The following RSPO3 variants were observed in gnomAD, a reference collection of about 807,000 sequenced individuals.
RSPO3 encodes R-spondin 3.
RSPO3 carries 17 observed loss-of-function variants against 36.5 expected under a neutral mutation model. The observed-to-expected ratio is 0.47, with a 90% CI of 0.32 to 0.70. The LOEUF (loss-of-function observed/expected upper bound fraction) is 0.70, where lower values mean the gene tolerates loss of function less well. Ranked by LOEUF, RSPO3 falls within the 30% of genes least tolerant of loss-of-function variation. RSPO3 has a pLI of 0.04. For synonymous variants in RSPO3, 108 were observed against 107.0 expected (o/e 1.01, Z -0.06); for missense variants, 294 against 322.5 (o/e 0.91, Z 0.68).
Position 127,119,078 on chromosome 6 carries a change from C to A in RSPO3, c.-115C>A. 2 of 746,392 alleles carry A rather than the reference C, an allele frequency of 2.7e-6. No individual in the cohort carries two copies. Among genetic ancestry groups the A allele is most frequent in the South Asian group, 2.2e-5 (1 of 46,410 alleles). 46.2% of individuals were successfully genotyped at this position (746,392 alleles called of 1,614,324 possible). A position where few individuals can be genotyped will look rare whatever the true frequency, so the allele number is the denominator to read the frequency against. ...CTATCGGATGTGAGAGGAGAAGTCC[C>A]GCTGCTCGGGCACTGTCTATATACG... On this transcript the variant is annotated 5_prime_UTR_variant, in exon 1 of 5. Coordinates refer to ENST00000356698, the MANE Select transcript of RSPO3 (RefSeq NM_032784.5).
At chr6:127,154,981 G>A (rs530570274) in intron 3 of RSPO3, among the ~76,000 whole-genome samples, 5 of 152,110 alleles carry the variant, frequency 3.3e-5, no homozygotes, top group Admixed American at 1.3e-4. Flanking sequence ...ATTAATGTTA[G>A]TGCCTGTGTT....
chr6:127,146,371 G>C (rs1202780402), intron 1 of RSPO3, among the ~76,000 whole-genome samples: 3 of 151,990 alleles, frequency 2.0e-5, no homozygotes, highest in African/African-American at 7.2e-5. Context: ...AAAAGTTTTA[G>C]AGACAGAGGG....
At chr6:127,143,110 T>G (rs1194576511) in intron 1 of RSPO3, among the ~76,000 whole-genome samples, 2 of 152,160 alleles carry the variant, frequency 1.3e-5, no homozygotes, top group African/African-American at 4.8e-5. Flanking sequence ...TATTTATCAT[T>G]TTTTAAAAAA....
At chr6:127,148,524 C>A (rs1213582252) in intron 1 of RSPO3, 124 bp from the exon 2 acceptor site, 2 of 606,102 alleles carry the variant, frequency 3.3e-6, no homozygotes, top group Admixed American at 3.4e-5. Context: ...AAAAATCCCA[C>A]CTCATTCACC....
intron 1 of RSPO3, among the ~76,000 whole-genome samples, chr6:127,120,732 AG>A (rs1407422039): frequency 6.6e-6 from 1 of 152,266 alleles, no homozygotes; most frequent in Non-Finnish European, 1.5e-5. Context: ...AAAAGGTGGC[AG>A]TGCCAGAGCG....
At chr6:127,177,768 CA>C (rs953849409) in intron 4 of RSPO3, among the ~76,000 whole-genome samples, 1 of 151,368 alleles carries the variant, frequency 6.6e-6, no homozygotes, top group African/African-American at 2.4e-5. Flanking sequence ...TGCAAGAAGC[CA>C]ATTTTTTTTT....
chr6:127,151,792 G>T (rs1485243851), intron 3 of RSPO3, among the ~76,000 whole-genome samples: 1 of 151,998 alleles, frequency 6.6e-6, no homozygotes, highest in East Asian at 1.9e-4. Flanking sequence ...GGAAAAAAAA[G>T]CAACTTAGGA....
chr6:127,181,519 A>C (rs1328435166), intron 4 of RSPO3, among the ~76,000 whole-genome samples: 1 of 151,796 alleles, frequency 6.6e-6, no homozygotes, highest in Non-Finnish European at 1.5e-5. Context: ...ACCCAGACCC[A>C]TTCATACTCA....
chr6:127,130,836 G>A (rs1200539185), intron 1 of RSPO3, among the ~76,000 whole-genome samples: 1 of 151,142 alleles, frequency 6.6e-6, no homozygotes, highest in Admixed American at 6.6e-5. Context: ...TTTATGATGA[G>A]TTTTTTTTTA....
chr6:127,153,257 A>G (rs79937286), intron 3 of RSPO3, among the ~76,000 whole-genome samples: 103 of 152,270 alleles, frequency 6.8e-4, no homozygotes, highest in African/African-American at 2.4e-3. Context: ...TCTCTTAACC[A>G]AGGAGTGCCT....
intron 4 of RSPO3, among the ~76,000 whole-genome samples, chr6:127,158,458 C>T (rs1263912144): frequency 2.6e-5 from 4 of 152,078 alleles, no homozygotes; most frequent in Non-Finnish European, 5.9e-5. Context: ...GTAGATAACT[C>T]ATATTTGGAA....
chr6:127,182,893 C>T lies in RSPO3; in HGVS notation c.635-12930C>T, dbSNP rs185895513. Among the ~76,000 whole-genome samples, 161 of 152,122 alleles carry T rather than the reference C, an allele frequency of 1.1e-3. 1 individual carries two copies. The highest frequency in any genetic ancestry group is 3.7e-3 in the African/African-American group (153 of 41,538). The stretch of plus-strand genomic sequence containing the variant: ...CATGACTTTAAAGGAAGACTACATT[C>T]TCAACTCCACCAAATAAAGCATCAT... On this transcript the variant is annotated intron_variant, in intron 4 of 4. Transcript: ENST00000356698.
chr6:127,169,454 C>A (rs2489631), intron 4 of RSPO3, among the ~76,000 whole-genome samples: 89,307 of 151,624 alleles, frequency 0.59, 26,649 homozygotes, highest in African/African-American at 0.7. Flanking sequence ...TATATCCCTC[C>A]TAAACTCTTC....
intron 1 of RSPO3, among the ~76,000 whole-genome samples, chr6:127,125,462 A>G (rs1198591275): frequency 6.6e-6 from 1 of 152,160 alleles, no homozygotes; most frequent in African/African-American, 2.4e-5. Flanking sequence ...ATACCAAGCT[A>G]AAGTTTTTCA....
Position 127,195,787 on chromosome 6 carries a change from G to T in RSPO3, c.635-36G>T, listed in dbSNP as rs140698670. 1,313 of 1,352,484 alleles carry T rather than the reference G, an allele frequency of 9.7e-4. 8 individuals carry two copies. The African/African-American group carries it at 0.013, about 13-fold the overall frequency. The allele number at this position is 1,352,484 out of a possible 1,614,324, so 83.8% of individuals were successfully genotyped here. A position where few individuals can be genotyped will look rare whatever the true frequency, so the allele number is the denominator to read the frequency against. On this transcript the variant is annotated intron_variant, in intron 4 of 4. Coordinates refer to ENST00000356698, the MANE Select transcript of RSPO3 (RefSeq NM_032784.5). ...TGTAATTAAAAAATAGAACATAATT[G>T]AATGTAATTTTTAAAAGAGTATCCT... is the stretch of plus-strand genomic sequence containing the variant.
intron 4 of RSPO3, among the ~76,000 whole-genome samples, chr6:127,188,470 A>G (rs1297444960): frequency 2.6e-5 from 4 of 152,096 alleles, no homozygotes; most frequent in Non-Finnish European, 5.9e-5. Flanking sequence ...TTTAGTATTA[A>G]GTATAACAAA....
At position 127,142,441 on chromosome 6, in the gene RSPO3, G is replaced by A. The variant is rs9385418; in HGVS notation, c.98-6207G>A. Among the ~76,000 whole-genome samples the A allele has an allele frequency of 1.6e-3, 246 of 152,154 alleles. 3 individuals are homozygous for A. The East Asian group carries it at 0.034, about 21-fold the overall frequency. ...AGTGATCGTTGCCACCAGAGGAATCGGGAAACATCTCTTAATTTTCAATAA... is the reference window on the plus strand; with the variant it reads ...AGTGATCGTTGCCACCAGAGGAATCAGGAAACATCTCTTAATTTTCAATAA... On this transcript the variant is annotated intron_variant, in intron 1 of 4. Transcript: ENST00000356698.
intron 4 of RSPO3, among the ~76,000 whole-genome samples, chr6:127,188,994 G>T (rs750649827): frequency 1.3e-5 from 2 of 152,094 alleles, no homozygotes; most frequent in African/African-American, 2.4e-5. Flanking sequence ...ATCCTCATCT[G>T]TAGAACAGGG....
At chr6:127,158,401 A>G (rs192992728) in intron 4 of RSPO3, among the ~76,000 whole-genome samples, 1 of 152,250 alleles carries the variant, frequency 6.6e-6, no homozygotes, top group African/African-American at 2.4e-5. Context: ...TTATGAATTT[A>G]AAGTTAGGTC....
Sources: allele counts gnomAD v4.1 joint callset (sites outside exome capture counted in the v4.1 genomes callset), GRCh38; gene constraint gnomAD v4.1.1; transcripts MANE v1.5; gene names NCBI Gene and HGNC (gene_info 2026-07-23, HGNC 2026-07-21).